Variants in MIEF1 observed in about 807,000 individuals in gnomAD.
MIEF1 encodes the protein mitochondrial elongation factor 1.
In MIEF1, 14 loss-of-function variants were observed where a neutral mutation model predicts 35.1. The ratio of observed to expected loss-of-function variants is 0.40; its 90% CI spans 0.26 to 0.62. The LOEUF is 0.62. MIEF1 is among the 20% of genes least tolerant of loss of function. The probability of loss-of-function intolerance (pLI) is 0.43; values close to 1 mark genes in which losing one functional copy is unlikely to be tolerated. For synonymous variants in MIEF1, 245 were observed against 254.3 expected (o/e 0.96, Z 0.35); for missense variants, 542 against 615.4 (o/e 0.88, Z 1.26).
rs1262286874 is a variant in MIEF1, at chr22:39,502,405, G to A, written c.-372G>A. 6.6e-6 allele frequency: 1 copy of A among 152,378 alleles called. No homozygotes were observed. The highest frequency in any genetic ancestry group is 1.5e-5 in the Non-Finnish European group (1 of 68,146). The allele number at this position is 152,378 out of a possible 1,614,324, so 9.4% of individuals were successfully genotyped here. On this transcript the variant is annotated 5_prime_UTR_variant, in exon 1 of 6. Coordinates refer to ENST00000325301, the MANE Select transcript of MIEF1 (RefSeq NM_019008.6). ...GGGAGAGGTACCCGGCCAGAGGCGAGTCCTGCGGAGTGGTAGCGCGCACGG... is the reference window on the plus strand; with the variant it reads ...GGGAGAGGTACCCGGCCAGAGGCGAATCCTGCGGAGTGGTAGCGCGCACGG...
intron 3 of MIEF1, 85 bp downstream of exon 3, chr22:39,511,523 C>A: frequency 6.9e-7 from 1 of 1,439,846 alleles, no homozygotes; most frequent in Non-Finnish European, 9.2e-7. Flanking sequence ...AATGTCGAAG[C>A]GTTCTAGGAG....
At chr22:39,501,820 G>T (rs77190905), upstream of MIEF1, 3,699 of 152,506 alleles carry the variant, frequency 0.024, 150 homozygotes, top group African/African-American at 0.084. Flanking sequence ...AAGGGTAGGA[G>T]TTTGCCAGAA....
chr22:39,507,535 G>A lies in MIEF1; in HGVS notation c.-8+3001G>A, dbSNP rs111749575. ...GTTGGGATTACAGGCGTGAGCCACCGTACCCGGCCGAAAAGGCTTAACAAG... is the reference window on the plus strand; with the variant it reads ...GTTGGGATTACAGGCGTGAGCCACCATACCCGGCCGAAAAGGCTTAACAAG... On this transcript the variant is annotated intron_variant, in intron 2 of 5. Coordinates refer to ENST00000325301, the MANE Select transcript of MIEF1 (RefSeq NM_019008.6). Among the ~76,000 whole-genome samples the A allele has an allele frequency of 8.6e-3, 1,273 of 147,298 alleles. 9 individuals are homozygous for A. The highest frequency in any genetic ancestry group is 0.021 in the Middle Eastern group (6 of 292).
At chr22:39,500,430 C>T (rs891738405), upstream of MIEF1, 1 of 151,152 alleles carries the variant, frequency 6.6e-6, no homozygotes, top group Non-Finnish European at 1.5e-5. Context: ...CTCCCTCTGT[C>T]CCTCCCTCCG....
chr22:39,504,101 G>C, intron 1 of MIEF1, 102 bp from the exon 2 acceptor site: 1 of 397,012 alleles, frequency 2.5e-6, no homozygotes. Flanking sequence ...CTGGAGCGGG[G>C]GGTCTCTGGA....
intron 1 of MIEF1, among the ~76,000 whole-genome samples, chr22:39,502,862 G>A (rs1024616458): frequency 6.6e-6 from 1 of 152,222 alleles, no homozygotes; most frequent in Non-Finnish European, 1.5e-5. Context: ...TTAAACAGTT[G>A]AGGAAAAATG....
At chr22:39,507,874 G>C (rs1203257752) in intron 2 of MIEF1, among the ~76,000 whole-genome samples, 1 of 151,896 alleles carries the variant, frequency 6.6e-6, no homozygotes, top group East Asian at 2.0e-4. Flanking sequence ...CAAAAAAAAA[G>C]AAAAAATAGT....
Position 39,515,135 on chromosome 22 carries a change from G to C in MIEF1, c.*812G>C, listed in dbSNP as rs1930590769. On this transcript the variant is annotated 3_prime_UTR_variant, in exon 6 of 6. Transcript: ENST00000325301. ...CAGTGTCTGCTCGTCATCTGTGGCT[G>C]CAGGGGTCAGACAGACAAGGATGGG... 1.6e-6 allele frequency: 1 copy of C among 632,344 alleles called. No homozygotes were observed. Among genetic ancestry groups the C allele is most frequent in the Admixed American group, 2.6e-5 (1 of 38,098 alleles). 39.2% of individuals were successfully genotyped at this position (632,344 alleles called of 1,614,324 possible).
rs1191437583 is a variant in MIEF1 at position 39,517,482 on chromosome 22, C to G, written c.*3159C>G. 9 of 469,752 alleles carry G rather than the reference C, an allele frequency of 1.9e-5. No individual in the cohort carries two copies. In the East Asian group the frequency reaches 6.3e-4, roughly 33 times the overall value. The allele number at this position is 469,752 out of a possible 1,614,324, so 29.1% of individuals were successfully genotyped here. ...CTGACTGTGCTCCCTGCACTCCACT[C>G]AAGTTGAGAGTTCAAATAGTCTTGA... On this transcript the variant is annotated 3_prime_UTR_variant, in exon 6 of 6. Transcript: ENST00000325301.
chr22:39,512,190 G>T (rs750262976), intron 4 of MIEF1, 42 bp from the exon 5 acceptor site: 1 of 1,595,644 alleles, frequency 6.3e-7, no homozygotes, highest in Non-Finnish European at 8.5e-7. Context: ...GACTGAGCAG[G>T]CATGGGCAGA....
chr22:39,507,296 G>A (rs1930066444), intron 2 of MIEF1, among the ~76,000 whole-genome samples: 1 of 152,140 alleles, frequency 6.6e-6, no homozygotes, highest in South Asian at 2.1e-4. Flanking sequence ...CCAGGCTGGA[G>A]TGCAGTGGGT....
At chr22:39,509,464 T>C (rs1185307824) in intron 2 of MIEF1, 1 of 152,312 alleles carries the variant, frequency 6.6e-6, no homozygotes, top group Non-Finnish European at 1.5e-5. Flanking sequence ...ATCTGGGGAC[T>C]GCTGCTGCTG....
chr22:39,502,181 T>G (rs928341617), upstream of MIEF1: 2 of 151,572 alleles, frequency 1.3e-5, no homozygotes, highest in African/African-American at 4.9e-5. Context: ...GGCCAGTCCC[T>G]TGGTGAGGTC....
chr22:39,515,427 G>T lies in MIEF1; in HGVS notation c.*1104G>T. 2.9e-6 allele frequency: 2 copies of T among 692,638 alleles called. No individual in the cohort carries two copies. Among genetic ancestry groups the T allele is most frequent in the South Asian group, 3.2e-5 (2 of 62,824 alleles). 42.9% of individuals were successfully genotyped at this position (692,638 alleles called of 1,614,324 possible). On this transcript the variant is annotated 3_prime_UTR_variant, in exon 6 of 6. Transcript: ENST00000325301. ...AACAGCCAGCCCTTCATCCTCCAGCGTCTGCCATAGGAATGTGAGAGGGGT... is the reference window on the plus strand; with the variant it reads ...AACAGCCAGCCCTTCATCCTCCAGCTTCTGCCATAGGAATGTGAGAGGGGT...
chr22:39,509,772 T>C (rs1053611160), intron 2 of MIEF1, among the ~76,000 whole-genome samples: 2 of 152,328 alleles, frequency 1.3e-5, no homozygotes, highest in African/African-American at 4.8e-5. Context: ...TGGAGGGACC[T>C]TTCTCACATA....
chr22:39,516,221 G>A lies in MIEF1; in HGVS notation c.*1898G>A, dbSNP rs1402196416. On this transcript the variant is annotated 3_prime_UTR_variant, in exon 6 of 6. Transcript: ENST00000325301. The stretch of plus-strand genomic sequence containing the variant: ...CATCCTGGATGAATCTAGAAGGTAT[G>A]GGGTAGAGCTTGACAGGGTTCCTGT... 1 of 152,100 alleles carries A rather than the reference G, an allele frequency of 6.6e-6. No homozygotes were observed. The highest frequency in any genetic ancestry group is 2.4e-5 in the African/African-American group (1 of 41,402). 9.4% of individuals were successfully genotyped at this position (152,100 alleles called of 1,614,324 possible).
Position 39,517,133 on chromosome 22 carries a change from C to T in MIEF1, c.*2810C>T, listed in dbSNP as rs1930713684. On this transcript the variant is annotated 3_prime_UTR_variant, in exon 6 of 6. Transcript: ENST00000325301. The stretch of plus-strand genomic sequence containing the variant: ...CTGCCTTCCTGTTCAGTAACTCTTA[C>T]TTTTGCCTGAAGTAACAGCATCTTC... 6.4e-6 allele frequency: 1 copy of T among 156,432 alleles called. No individual in the cohort carries two copies. The highest frequency in any genetic ancestry group is 1.4e-5 in the Non-Finnish European group (1 of 70,696). 9.7% of individuals were successfully genotyped at this position (156,432 alleles called of 1,614,324 possible). A position where few individuals can be genotyped will look rare whatever the true frequency, so the allele number is the denominator to read the frequency against.
At position 39,513,604 on chromosome 22, in the gene MIEF1, A is replaced by G. The variant is rs772943231; in HGVS notation, c.673A>G (p.Met225Val). ...WSCIPGEDTIMNVPGFFLVRR... is the reference protein window; with the variant it reads ...WSCIPGEDTIVNVPGFFLVRR... ...ATGTATTCCTGGTGAAGACACCATC[A>G]TGAATGTCCCTGGCTTCTTCCTGGT... The change falls in exon 6 of 6, where the codon ATG (methionine) becomes GTG (valine). Residue 225 changes from methionine (M) to valine (V), a missense_variant. By Grantham distance (21) the Met-to-Val change is conservative. Transcript: ENST00000325301. 13 of 1,614,094 alleles carry G rather than the reference A, an allele frequency of 8.1e-6. No individual in the cohort carries two copies. The highest frequency in any genetic ancestry group is 1.1e-5 in the Non-Finnish European group (13 of 1,180,040).
At chr22:39,501,132 C>T (rs940423907), upstream of MIEF1, among the ~76,000 whole-genome samples, 2 of 152,168 alleles carry the variant, frequency 1.3e-5, no homozygotes, top group Non-Finnish European at 2.9e-5. Flanking sequence ...GGTTCCTTTG[C>T]ACCCGCCATC....
Sources: allele counts gnomAD v4.1 joint callset (sites outside exome capture counted in the v4.1 genomes callset), GRCh38; gene constraint gnomAD v4.1.1; transcripts MANE v1.5; gene names NCBI Gene and HGNC (gene_info 2026-07-23, HGNC 2026-07-21).